Variants in RORA observed in about 807,000 individuals in gnomAD.
The protein encoded by RORA is RAR related orphan receptor A.
In RORA, 7 loss-of-function variants were observed where a neutral mutation model predicts 69.5. The observed-to-expected ratio is 0.10, with a 90% CI of 0.06 to 0.19. The LOEUF (loss-of-function observed/expected upper bound fraction) is 0.19, where lower values mean the gene tolerates loss of function less well. RORA is among the 10% of genes least tolerant of loss of function. The pLI is 1.00. For synonymous variants in RORA, 261 were observed against 240.8 expected (o/e 1.08, Z -0.78); for missense variants, 457 against 663.0 (o/e 0.69, Z 3.41).
chr15:61,060,406 G>C (rs1384406155), intron 1 of RORA, among the ~76,000 whole-genome samples: 1 of 152,114 alleles, frequency 6.6e-6, no homozygotes, highest in African/African-American at 2.4e-5. Context: ...CTGGTTTCAG[G>C]TGGCTGTCAT....
At chr15:61,053,734 C>T (rs1315795236) in intron 1 of RORA, among the ~76,000 whole-genome samples, 1 of 150,944 alleles carries the variant, frequency 6.6e-6, no homozygotes, top group Admixed American at 6.6e-5. Context: ...GGAGACGACA[C>T]AGCTGATGGG....
intron 1 of RORA, among the ~76,000 whole-genome samples, chr15:60,707,243 AATTCAC>A (rs2071075575): frequency 6.6e-6 from 1 of 152,120 alleles, no homozygotes; most frequent in South Asian, 2.1e-4. Flanking sequence ...CAGTCCCCTG[AATTCAC>A]TCTAGCCTGC....
intron 1 of RORA, among the ~76,000 whole-genome samples, chr15:61,032,078 T>C (rs549071032): frequency 4.7e-4 from 72 of 152,316 alleles, no homozygotes; most frequent in Admixed American, 6.5e-4. Context: ...CACGTAAGCA[T>C]GTATGTCAAA....
chr15:60,970,434 C>T (rs117271349), intron 1 of RORA, among the ~76,000 whole-genome samples: 1,763 of 152,310 alleles, frequency 0.012, 17 homozygotes, highest in Middle Eastern at 0.031. Flanking sequence ...GTCCCCACTG[C>T]GTGCCAGGCA....
At chr15:60,598,602 T>C (rs1596038449) in intron 2 of RORA, 1 of 152,260 alleles carries the variant, frequency 6.6e-6, no homozygotes, top group African/African-American at 2.4e-5. Context: ...ATATAATACA[T>C]ATAACATACA....
At chr15:61,063,689 G>T (rs573632588) in intron 1 of RORA, among the ~76,000 whole-genome samples, 2 of 152,324 alleles carry the variant, frequency 1.3e-5, no homozygotes, top group South Asian at 4.2e-4. Context: ...GAGGAGATTA[G>T]ATGGTTCATG....
chr15:60,715,328 C>G (rs909051008), intron 1 of RORA, among the ~76,000 whole-genome samples: 1 of 152,166 alleles, frequency 6.6e-6, no homozygotes, highest in Non-Finnish European at 1.5e-5. Context: ...TAATGAGAAA[C>G]TTTTTTGAAC....
intron 2 of RORA, among the ~76,000 whole-genome samples, chr15:60,668,063 G>C (rs183130764): frequency 6.6e-6 from 1 of 152,224 alleles, no homozygotes; most frequent in African/African-American, 2.4e-5. Context: ...TGTTTTGATA[G>C]AGTCAGGGGC....
intron 1 of RORA, among the ~76,000 whole-genome samples, chr15:60,969,518 G>A (rs907411254): frequency 6.6e-6 from 1 of 152,180 alleles, no homozygotes; most frequent in Non-Finnish European, 1.5e-5. Context: ...AGGATTGCAG[G>A]CAACATGCAG....
intron 2 of RORA, among the ~76,000 whole-genome samples, chr15:60,650,393 T>C (rs2070125127): frequency 6.6e-6 from 1 of 152,166 alleles, no homozygotes; most frequent in Non-Finnish European, 1.5e-5. Flanking sequence ...GCATTCCAAC[T>C]TCAGGTTAAC....
chr15:60,950,312 C>A (rs1277321244), intron 1 of RORA, among the ~76,000 whole-genome samples: 1 of 140,254 alleles, frequency 7.1e-6, no homozygotes, highest in South Asian at 2.7e-4. Flanking sequence ...AAGGAACAAC[C>A]GGTACCAGCC....
At chr15:60,848,517 C>T (rs1404556969) in intron 1 of RORA, 1 of 152,270 alleles carries the variant, frequency 6.6e-6, no homozygotes, top group Non-Finnish European at 1.5e-5. Context: ...TTCCCTGAAG[C>T]CTTCAGAAGG....
intron 2 of RORA, among the ~76,000 whole-genome samples, chr15:60,668,149 T>G (rs2070407484): frequency 6.6e-6 from 1 of 152,186 alleles, no homozygotes; most frequent in South Asian, 2.1e-4. Flanking sequence ...TTGTTTCCAC[T>G]GCAGACTTAA....
At chr15:60,660,134 T>C (rs2070282997) in intron 2 of RORA, among the ~76,000 whole-genome samples, 1 of 152,194 alleles carries the variant, frequency 6.6e-6, no homozygotes, top group African/African-American at 2.4e-5. Flanking sequence ...GTGAAACTGA[T>C]TTCACCCAAT....
intron 1 of RORA, among the ~76,000 whole-genome samples, chr15:61,006,197 G>T (rs2140386809): frequency 6.6e-6 from 1 of 152,092 alleles, no homozygotes. Flanking sequence ...TCAATCTCTT[G>T]ACTTCGTGAT....
At chr15:60,751,792 A>T (rs1396073480) in intron 1 of RORA, among the ~76,000 whole-genome samples, 2 of 152,208 alleles carry the variant, frequency 1.3e-5, no homozygotes, top group Non-Finnish European at 2.9e-5. Context: ...CAATCTGCCC[A>T]GGGAGGAGGA....
At chr15:60,776,984 T>G (rs1244347648) in intron 1 of RORA, among the ~76,000 whole-genome samples, 1 of 152,234 alleles carries the variant, frequency 6.6e-6, no homozygotes, top group Non-Finnish European at 1.5e-5. Context: ...GACATGAGTA[T>G]TTGTCTGTTT....
At chr15:60,830,245 G>T (rs2073023793) in intron 1 of RORA, among the ~76,000 whole-genome samples, 2 of 152,192 alleles carry the variant, frequency 1.3e-5, no homozygotes, top group Admixed American at 1.3e-4. Flanking sequence ...TTTAGAAAAT[G>T]TGGGAAAATA....
At chr15:60,789,892 G>A (rs2072391036) in intron 1 of RORA, among the ~76,000 whole-genome samples, 1 of 152,128 alleles carries the variant, frequency 6.6e-6, no homozygotes, top group African/African-American at 2.4e-5. Context: ...AAAGAAAAAG[G>A]AACTACTTTG....
Sources: gnomAD v4.1 joint callset for allele counts (sites outside exome capture counted in the v4.1 genomes callset) on GRCh38, gnomAD v4.1.1 for gene constraint, MANE v1.5 for transcripts, NCBI Gene and HGNC (gene_info 2026-07-23, HGNC 2026-07-21) for gene names.